Variants in ST3GAL3 observed in about 807,000 individuals in gnomAD.
ST3GAL3 encodes ST3 beta-galactoside alpha-2,3-sialyltransferase 3.
A neutral mutation model predicts 50.1 loss-of-function variants in ST3GAL3; 21 were observed. That is an observed-to-expected ratio of 0.42 (90% CI 0.30 to 0.60). The LOEUF (loss-of-function observed/expected upper bound fraction) is 0.60. Ranked by LOEUF, ST3GAL3 falls within the 20% of genes least tolerant of loss-of-function variation. The pLI, the probability that ST3GAL3 is intolerant of heterozygous loss-of-function variation, is 0.19. For missense variants in ST3GAL3, 353 were observed against 489.4 expected (o/e 0.72, Z 2.63); for synonymous variants, 183 against 190.0 (o/e 0.96, Z 0.30).
intron 5 of ST3GAL3, among the ~76,000 whole-genome samples, chr1:43,873,939 T>A (rs2073561319): frequency 6.6e-6 from 1 of 152,114 alleles, no homozygotes; most frequent in Non-Finnish European, 1.5e-5. Context: ...AAGCTGGGAC[T>A]GAGCCCAGAG....
intron 1 of ST3GAL3, chr1:43,719,077 A>T (rs1668992160): frequency 6.6e-6 from 1 of 152,190 alleles, no homozygotes; most frequent in African/African-American, 2.4e-5. Flanking sequence ...ACCATTGTAG[A>T]TCATTTGATT....
At chr1:43,810,183 T>A (rs1402362740) in intron 3 of ST3GAL3, among the ~76,000 whole-genome samples, 1 of 152,072 alleles carries the variant, frequency 6.6e-6, no homozygotes, top group Non-Finnish European at 1.5e-5. Context: ...CAAATTTTTT[T>A]AAATGTGATT....
intron 11 of ST3GAL3, among the ~76,000 whole-genome samples, chr1:43,925,887 C>G (rs952598119): frequency 6.6e-6 from 1 of 152,134 alleles, no homozygotes; most frequent in Admixed American, 6.5e-5. Context: ...GAGAGGTGGC[C>G]GTCGGATGTA....
At chr1:43,778,562 T>C (rs1698139479) in intron 2 of ST3GAL3, among the ~76,000 whole-genome samples, 1 of 152,110 alleles carries the variant, frequency 6.6e-6, no homozygotes, top group African/African-American at 2.4e-5. Flanking sequence ...AAGAAAACAA[T>C]TACAAAATAA....
At position 43,778,644 on chromosome 1, in the gene ST3GAL3, C is replaced by CTTTTTTTTTT. The variant is rs35726867; in HGVS notation, c.119-13448_119-13439dup. ...GCATCCAGATTTCTTTTCTTTTTTT[C>CTTTTTTTTTT]TTTTTTTTTTTTTTTTTTTGAGACG... On this transcript the variant is annotated intron_variant, in intron 2 of 11. Transcript: ENST00000347631. 4.3e-4 allele frequency among the ~76,000 whole-genome samples: 51 copies of CTTTTTTTTTT among 118,694 alleles called. 1 individual carries two copies. Among genetic ancestry groups the CTTTTTTTTTT allele is most frequent in the South Asian group, 7.9e-4 (3 of 3,808 alleles). The allele number at this position is 118,694 out of a possible 152,430, so 77.9% of individuals were successfully genotyped here. A position where few individuals can be genotyped will look rare whatever the true frequency, so the allele number is the denominator to read the frequency against.
rs765243524 is a variant in ST3GAL3, at chr1:43,878,591, G to A, written c.303-15792G>A. Among the ~76,000 whole-genome samples the A allele has an allele frequency of 2.6e-4, 39 of 152,184 alleles. 1 individual carries two copies. The highest frequency in any genetic ancestry group is 5.1e-4 in the Non-Finnish European group (35 of 68,044). ...CCCTAAGGCAGCAAGGAGTGTGGCTGGGGGACTGTGAACAGAGGGAGAGTA... is the reference window on the plus strand; with the variant it reads ...CCCTAAGGCAGCAAGGAGTGTGGCTAGGGGACTGTGAACAGAGGGAGAGTA... On this transcript the variant is annotated intron_variant, in intron 5 of 11. Coordinates refer to ENST00000347631, the MANE Select transcript of ST3GAL3 (RefSeq NM_006279.5).
intron 9 of ST3GAL3, among the ~76,000 whole-genome samples, chr1:43,906,225 C>T (rs1432411362): frequency 4.5e-5 from 5 of 111,410 alleles, no homozygotes; most frequent in Non-Finnish European, 7.5e-5. Flanking sequence ...CTCTTCCTCC[C>T]CCTCCTCCTG....
chr1:43,918,288 T>C (rs764547806), intron 9 of ST3GAL3, among the ~76,000 whole-genome samples: 25 of 152,012 alleles, frequency 1.6e-4, no homozygotes, highest in Non-Finnish European at 3.5e-4. Flanking sequence ...CTGCTCATTT[T>C]TGTATTTTCT....
At chr1:43,856,624 T>C (rs141438319) in intron 5 of ST3GAL3, among the ~76,000 whole-genome samples, 115 of 152,362 alleles carry the variant, frequency 7.5e-4, no homozygotes, top group African/African-American at 2.6e-3. Flanking sequence ...CTGCATGGGC[T>C]AGACAACCTC....
intron 5 of ST3GAL3, among the ~76,000 whole-genome samples, chr1:43,880,534 C>T (rs1004032939): frequency 5.9e-5 from 9 of 152,154 alleles, no homozygotes; most frequent in African/African-American, 1.7e-4. Context: ...CCCCCTCCCT[C>T]TCTCCGCTTG....
At chr1:43,920,279 C>A in intron 9 of ST3GAL3, 125 bp from the exon 10 acceptor site, 2 of 1,157,976 alleles carry the variant, frequency 1.7e-6, no homozygotes, top group Non-Finnish European at 1.3e-6. Flanking sequence ...ACACCACAGG[C>A]CCTGGGTTCC....
intron 9 of ST3GAL3, among the ~76,000 whole-genome samples, chr1:43,915,002 A>G (rs1279878641): frequency 1.3e-5 from 2 of 152,246 alleles, no homozygotes; most frequent in Non-Finnish European, 2.9e-5. Context: ...TTCTGGAGAC[A>G]GGAGCAGGAA....
intron 5 of ST3GAL3, among the ~76,000 whole-genome samples, chr1:43,854,292 C>T (rs1284396048): frequency 6.6e-6 from 1 of 152,196 alleles, no homozygotes; most frequent in Admixed American, 6.5e-5. Context: ...TTCTCTCCTC[C>T]TCAGAATGCT....
rs1352259483 is a variant in ST3GAL3, at chr1:43,835,427, T to C, written c.210-2792T>C. Among the ~76,000 whole-genome samples, 4 of 152,312 alleles carry C rather than the reference T, an allele frequency of 2.6e-5. No homozygotes were observed. In the East Asian group the frequency reaches 7.7e-4, roughly 29 times the overall value. On this transcript the variant is annotated intron_variant, in intron 4 of 11. Transcript: ENST00000347631. Reference sequence around the variant, plus strand: ...TTGGTAATAACTTGACATGACCCACTGTACCCAGAGTTGTACGTTTTAGGA... The same window carrying C: ...TTGGTAATAACTTGACATGACCCACCGTACCCAGAGTTGTACGTTTTAGGA...
intron 2 of ST3GAL3, among the ~76,000 whole-genome samples, chr1:43,758,470 C>T (rs1386849091): frequency 6.6e-6 from 1 of 152,026 alleles, no homozygotes; most frequent in Non-Finnish European, 1.5e-5. Flanking sequence ...CCAGGCTGGT[C>T]TTGAACTCCT....
chr1:43,890,906 A>G (rs1489346151), intron 5 of ST3GAL3, among the ~76,000 whole-genome samples: 2 of 152,126 alleles, frequency 1.3e-5, no homozygotes, highest in African/African-American at 2.4e-5. Context: ...ACAATATCCG[A>G]ATGCAACTGG....
At chr1:43,927,344 A>G (rs554062914) in intron 11 of ST3GAL3, among the ~76,000 whole-genome samples, 1 of 152,324 alleles carries the variant, frequency 6.6e-6, no homozygotes, top group Non-Finnish European at 1.5e-5. Context: ...AAACCAAACC[A>G]AAACAAAAAA....
intron 3 of ST3GAL3, among the ~76,000 whole-genome samples, chr1:43,805,985 T>C (rs812490): frequency 0.47 from 70,952 of 151,948 alleles, 16,938 homozygotes; most frequent in East Asian, 0.65. Context: ...CCGCCCACCT[T>C]GGCCTCCCAA....
chr1:43,792,033 G>C (rs1572940298), intron 2 of ST3GAL3, 69 bp from the exon 3 acceptor site: 1 of 1,589,888 alleles, frequency 6.3e-7, no homozygotes, highest in African/African-American at 1.3e-5. Context: ...GGTTTGGGCA[G>C]AGCCAGTGGG....
Sources: allele counts gnomAD v4.1 joint callset (sites outside exome capture counted in the v4.1 genomes callset), GRCh38; gene constraint gnomAD v4.1.1; transcripts MANE v1.5; gene names NCBI Gene and HGNC (gene_info 2026-07-23, HGNC 2026-07-21).